CMYA5: variants seen among roughly 807,000 people sequenced by gnomAD.
CMYA5 encodes cardiomyopathy-associated protein 5.
In CMYA5, 246 loss-of-function variants were observed where a neutral mutation model predicts 318.9. The ratio of observed to expected loss-of-function variants is 0.77; its 90% CI spans 0.70 to 0.86. CMYA5 has a LOEUF of 0.86. Among genes scored for constraint, CMYA5 ranks in the 40% least tolerant of loss-of-function variants. CMYA5 has a pLI of 0.00. For missense variants in CMYA5, 4,589 were observed against 4,678.2 expected (o/e 0.98, Z 0.56); for synonymous variants, 1,641 against 1,729.5 (o/e 0.95, Z 1.27).
chr5:79,696,715 G>A (rs1274860632), intron 1 of CMYA5, among the ~76,000 whole-genome samples: 1 of 152,160 alleles, frequency 6.6e-6, no homozygotes, highest in Non-Finnish European at 1.5e-5. Context: ...TTAAAGAAAT[G>A]TTTTTATTGG....
intron 1 of CMYA5, among the ~76,000 whole-genome samples, chr5:79,708,372 A>C (rs940850634): frequency 1.3e-5 from 2 of 152,236 alleles, no homozygotes; most frequent in Admixed American, 1.3e-4. Flanking sequence ...CTGTAATCTC[A>C]GCACTTTGGG....
rs200267723 is a variant in CMYA5 at position 79,732,126 on chromosome 5, C to T, written c.3361C>T (p.Pro1121Ser). 3 of 1,613,916 alleles carry T rather than the reference C, an allele frequency of 1.9e-6. No individual in the cohort carries two copies. Among genetic ancestry groups the T allele is most frequent in the Non-Finnish European group, 1.7e-6 (2 of 1,179,858 alleles). ...GCAGAAAACTCAAGCATATTTAGAG[C>T]CTGAGTCTGAAGACTTGATTCCTTC... is the stretch of plus-strand genomic sequence containing the variant. ...QKQKTQAYLE[P>S]ESEDLIPSHL... Residue 1121 changes from proline to serine, a missense_variant, in exon 2 of 13, where the codon CCT (proline) becomes TCT (serine). Pro to Ser is a moderately conservative substitution (Grantham distance 74, BLOSUM62 -1). Transcript: ENST00000446378.
At chr5:79,739,851 C>T (rs532187938) in intron 2 of CMYA5, among the ~76,000 whole-genome samples, 14 of 151,864 alleles carry the variant, frequency 9.2e-5, no homozygotes, top group Non-Finnish European at 1.5e-4. Context: ...GGCATGGTGG[C>T]GCACACCTGT....
At chr5:79,789,847 A>G (rs1054620900) in intron 10 of CMYA5, among the ~76,000 whole-genome samples, 12 of 152,214 alleles carry the variant, frequency 7.9e-5, no homozygotes, top group African/African-American at 2.7e-4. Flanking sequence ...TGTTCTGTTT[A>G]TTCTTGATGC....
intron 12 of CMYA5, among the ~76,000 whole-genome samples, chr5:79,797,061 C>G (rs1205651167): frequency 1.3e-5 from 2 of 152,308 alleles, no homozygotes; most frequent in Non-Finnish European, 2.9e-5. Flanking sequence ...GGTTAATTTG[C>G]TAACAACCTG....
intron 10 of CMYA5, among the ~76,000 whole-genome samples, chr5:79,790,140 C>T (rs1338532285): frequency 6.6e-6 from 1 of 152,182 alleles, no homozygotes; most frequent in East Asian, 1.9e-4. Flanking sequence ...GTAAGATAGT[C>T]AGGGCCAGCC....
intron 2 of CMYA5, among the ~76,000 whole-genome samples, chr5:79,741,050 A>AT (rs967579107): frequency 1.1e-4 from 17 of 151,714 alleles, no homozygotes; most frequent in East Asian, 3.9e-4. Context: ...TAATTTTATA[A>AT]TTTTTTTTGT....
At chr5:79,757,011 G>A (rs753377932) in intron 6 of CMYA5, among the ~76,000 whole-genome samples, 2 of 151,942 alleles carry the variant, frequency 1.3e-5, no homozygotes, top group Non-Finnish European at 2.9e-5. Flanking sequence ...TGGCCAACAC[G>A]GTGAAACCCC....
At chr5:79,788,919 C>T in intron 9 of CMYA5, 52 bp from the exon 10 acceptor site, 1 of 1,539,840 alleles carries the variant, frequency 6.5e-7, no homozygotes, top group Non-Finnish European at 8.9e-7. Flanking sequence ...AAATAGGAAT[C>T]ATTTAGCATG....
chr5:79,758,237 T>C (rs73125656), intron 6 of CMYA5, among the ~76,000 whole-genome samples: 12,426 of 130,926 alleles, frequency 0.095, 1,156 homozygotes, highest in African/African-American at 0.26. Flanking sequence ...CTCAACAGAT[T>C]AAAAAAAAAA....
Position 79,732,544 on chromosome 5 carries a change from T to C in CMYA5, c.3779T>C (p.Leu1260Pro). ...AAGGGTGTCAAGCCCAAATTAGTTC[T>C]AAATGTGACTTCTGAACTAGAACAG... is the stretch of plus-strand genomic sequence containing the variant. Reference protein sequence around the residue: ...PKKGVKPKLVLNVTSELEQRK... With the variant: ...PKKGVKPKLVPNVTSELEQRK... Residue 1260 changes from leucine to proline, a missense_variant, in exon 2 of 13, where the codon CTA becomes CCA. This residue lies in a region of CMYA5 where 2,132 missense variants were observed against 2,131.3 expected (regional missense o/e 1.00). Transcript: ENST00000446378. 6.2e-7 allele frequency: 1 copy of C among 1,613,134 alleles called. No homozygotes were observed. The highest frequency in any genetic ancestry group is 8.5e-7 in the Non-Finnish European group (1 of 1,179,588).
At chr5:79,712,922 A>G (rs544720974) in intron 1 of CMYA5, among the ~76,000 whole-genome samples, 1 of 152,290 alleles carries the variant, frequency 6.6e-6, no homozygotes, top group East Asian at 1.9e-4. Flanking sequence ...AGTAACCACC[A>G]CTCAACATTC....
intron 1 of CMYA5, among the ~76,000 whole-genome samples, chr5:79,696,289 C>T (rs1358549434): frequency 6.6e-6 from 1 of 152,182 alleles, no homozygotes; most frequent in East Asian, 1.9e-4. Context: ...CCTAGACTGA[C>T]CCTTCAGCCA....
Position 79,738,970 on chromosome 5 carries a change from T to G in CMYA5, c.10205T>G (p.Leu3402Arg). The G allele has an allele frequency of 6.2e-7, 1 of 1,613,900 alleles. No homozygotes were observed. Among genetic ancestry groups the G allele is most frequent in the Non-Finnish European group, 8.5e-7 (1 of 1,179,854 alleles). Residue 3402 changes from leucine to arginine, a missense_variant, in exon 2 of 13, where the codon CTG becomes CGG. Around this residue, in one of 3 missense-constraint regions of CMYA5, gnomAD observed 2,431 missense variants for 2,495.1 expected, o/e 0.97. Coordinates refer to ENST00000446378, the MANE Select transcript of CMYA5 (RefSeq NM_153610.5). ...ACATCACTAGAAGAACCTAAAATCCTGGTCCCACCTGAGCCAAGTGAAGAG... is the reference window on the plus strand; with the variant it reads ...ACATCACTAGAAGAACCTAAAATCCGGGTCCCACCTGAGCCAAGTGAAGAG... ...QETSLEEPKI[L>R]VPPEPSEERL... is the part of the protein sequence containing the mutation.
chr5:79,777,390 T>C (rs1311495616), intron 9 of CMYA5, among the ~76,000 whole-genome samples: 8 of 152,166 alleles, frequency 5.3e-5, no homozygotes, highest in Non-Finnish European at 1.2e-4. Flanking sequence ...TAGCATACTA[T>C]ATATGTTTCA....
At chr5:79,764,415 C>T (rs1828711944) in intron 9 of CMYA5, among the ~76,000 whole-genome samples, 1 of 152,064 alleles carries the variant, frequency 6.6e-6, no homozygotes, top group African/African-American at 2.4e-5. Flanking sequence ...GGGTTGGTTC[C>T]AAATCTTTGC....
Position 79,747,105 on chromosome 5 carries a change from C to A in CMYA5, c.10983C>A (p.Ile3661=). Residue 3661 remains isoleucine (I), a synonymous_variant, in exon 5 of 13, where the codon ATC becomes ATA. Transcript: ENST00000446378. ...EAVFLTSFEE[I]NERLLSAMES... Reference sequence around the variant, plus strand: ...TTCTCCCTAAGTCGTTTGAGGAAATCAATGAAAGGTATATAAAACATGATA... The same window carrying A: ...TTCTCCCTAAGTCGTTTGAGGAAATAAATGAAAGGTATATAAAACATGATA... 2 of 1,542,180 alleles carry A rather than the reference C, an allele frequency of 1.3e-6. No homozygotes were observed. The highest frequency in any genetic ancestry group is 1.2e-5 in the South Asian group (1 of 83,506).
intron 1 of CMYA5, among the ~76,000 whole-genome samples, chr5:79,698,371 T>TGGG (rs2151074890): frequency 6.6e-6 from 1 of 152,208 alleles, no homozygotes; most frequent in East Asian, 1.9e-4. Flanking sequence ...ATCCTGGCTG[T>TGGG]GCCACTTACT....
intron 5 of CMYA5, 131 bp downstream of exon 5, chr5:79,747,244 T>G: frequency 2.7e-6 from 2 of 734,740 alleles, no homozygotes; most frequent in Non-Finnish European, 4.1e-6. Flanking sequence ...ATTTTCACTT[T>G]TAGACACAGT....
Sources: allele counts gnomAD v4.1 joint callset (sites outside exome capture counted in the v4.1 genomes callset), GRCh38; gene constraint gnomAD v4.1.1; regional missense constraint gnomAD v4.1.1; transcripts MANE v1.5; gene names NCBI Gene and HGNC (gene_info 2026-07-23, HGNC 2026-07-21).